The following PXDNL variants were observed in gnomAD, a reference collection of about 807,000 sequenced individuals.
PXDNL encodes the protein probable oxidoreductase PXDNL.
In PXDNL, 145 loss-of-function variants were observed where a neutral mutation model predicts 150.8. That is an observed-to-expected ratio of 0.96 (90% confidence interval 0.84 to 1.10). PXDNL has a LOEUF of 1.10. PXDNL is among the 50% of genes least tolerant of loss of function. The pLI, the probability that PXDNL is intolerant of heterozygous loss-of-function variation, is 0.00. For synonymous variants in PXDNL, 757 were observed against 725.7 expected, an observed-to-expected ratio of 1.04 and a Z score of -0.69; for missense variants, 2,087 against 1,873.9, an observed-to-expected ratio of 1.11 and a Z score of -2.10.
chr8:51,790,375 A>G (rs2129255095), intron 1 of PXDNL, among the ~76,000 whole-genome samples: 1 of 152,348 alleles, frequency 6.6e-6, no homozygotes, highest in African/African-American at 2.4e-5. Flanking sequence ...CCAAAGAATG[A>G]ACATTCAAAG....
chr8:51,533,132 GTTTA>G (rs758535160), intron 4 of PXDNL, among the ~76,000 whole-genome samples: 3 of 152,088 alleles, frequency 2.0e-5, no homozygotes, highest in Non-Finnish European at 4.4e-5. Context: ...TTCATATGCT[GTTTA>G]TTTATTTATA....
At chr8:51,592,399 TG>T (rs1422321248) in intron 3 of PXDNL, among the ~76,000 whole-genome samples, 1 of 152,210 alleles carries the variant, frequency 6.6e-6, no homozygotes, top group African/African-American at 2.4e-5. Flanking sequence ...ATTTAGAACT[TG>T]TGGCAGGAGA....
chr8:51,752,696 T>C (rs771377429), intron 1 of PXDNL, among the ~76,000 whole-genome samples: 3 of 152,184 alleles, frequency 2.0e-5, no homozygotes, highest in Non-Finnish European at 4.4e-5. Context: ...CTAATGCCCA[T>C]CTTATTTAAA....
chr8:51,342,171 T>A (rs1806005612), intron 20 of PXDNL, among the ~76,000 whole-genome samples: 1 of 151,556 alleles, frequency 6.6e-6, no homozygotes. Flanking sequence ...TAAAGTAAAA[T>A]AAAATATATA....
At chr8:51,415,133 A>G (rs1029505608) in intron 14 of PXDNL, among the ~76,000 whole-genome samples, 2 of 152,202 alleles carry the variant, frequency 1.3e-5, no homozygotes, top group Non-Finnish European at 2.9e-5. Flanking sequence ...TTTCAATCCC[A>G]TGCATATATG....
intron 12 of PXDNL, among the ~76,000 whole-genome samples, chr8:51,437,338 G>GAAGCCAGTAT (rs1192850715): frequency 2.4e-4 from 37 of 152,104 alleles, no homozygotes. Flanking sequence ...ATCATTCTAT[G>GAAGCCAGTAT]AAGCCAGTAT....
At chr8:51,414,931 G>A (rs1181855760) in intron 14 of PXDNL, among the ~76,000 whole-genome samples, 2 of 152,142 alleles carry the variant, frequency 1.3e-5, no homozygotes, top group Non-Finnish European at 2.9e-5. Flanking sequence ...GCTTATTCTA[G>A]CAAAAAATAA....
rs572725277 is a variant in PXDNL, at chr8:51,542,764, T to C, written c.380+14076A>G. Among the ~76,000 whole-genome samples the C allele has an allele frequency of 6.1e-4, 92 of 150,990 alleles. 1 individual carries two copies. Among genetic ancestry groups the C allele is most frequent in the African/African-American group, 2.1e-3 (86 of 41,132 alleles). On this transcript the variant is annotated intron_variant, in intron 4 of 22. Transcript: ENST00000356297. ...GGCAGAGGTTGCAGTAAGCCAAGATTGCACCATTGCACTCCAGCCCAGGTG... is the reference window on the plus strand; with the variant it reads ...GGCAGAGGTTGCAGTAAGCCAAGATCGCACCATTGCACTCCAGCCCAGGTG...
At chr8:51,737,214 A>T (rs1397175423) in intron 1 of PXDNL, among the ~76,000 whole-genome samples, 1 of 152,254 alleles carries the variant, frequency 6.6e-6, no homozygotes, top group African/African-American at 2.4e-5. Flanking sequence ...AATAAAAGAT[A>T]AAACTCTGTT....
intron 1 of PXDNL, among the ~76,000 whole-genome samples, chr8:51,796,398 A>C (rs1357646388): frequency 6.6e-6 from 1 of 151,250 alleles, no homozygotes; most frequent in African/African-American, 2.4e-5. Flanking sequence ...TGGTGTTTTG[A>C]AAAAAAAATT....
chr8:51,409,178 G>T lies in PXDNL; in HGVS notation c.2446C>A (p.His816Asn). 1 of 1,596,266 alleles carries T rather than the reference G, an allele frequency of 6.3e-7. No individual in the cohort carries two copies. The highest frequency in any genetic ancestry group is 1.7e-5 in the Admixed American group (1 of 58,378). ...WGWFLEHDLD[H>N]TVPALSTARF... Reference sequence around the variant, plus strand: ...GCTGTGCTCAGCGCAGGCACTGTGTGGTCCAAGTCGTGCTCTAGAAACCAG... The same window carrying T: ...GCTGTGCTCAGCGCAGGCACTGTGTTGTCCAAGTCGTGCTCTAGAAACCAG... Residue 816 changes from histidine to asparagine, a missense_variant, in exon 17 of 23, where the codon CAC becomes AAC. By Grantham distance (68) the His-to-Asn change is moderately conservative. Coordinates refer to ENST00000356297, the MANE Select transcript of PXDNL (RefSeq NM_144651.5).
At chr8:51,721,943 A>T (rs191035727) in intron 1 of PXDNL, 2 of 247,630 alleles carry the variant, frequency 8.1e-6, no homozygotes, top group Admixed American at 8.1e-5. Flanking sequence ...TAGGGTTGCT[A>T]AAGTGGATTG....
chr8:51,467,694 T>C (rs1810232823), intron 8 of PXDNL, among the ~76,000 whole-genome samples: 1 of 152,058 alleles, frequency 6.6e-6, no homozygotes, highest in South Asian at 2.1e-4. Flanking sequence ...TTGCTCAACA[T>C]CTTCTAATGG....
chr8:51,388,975 T>C (rs1408962638), intron 17 of PXDNL, among the ~76,000 whole-genome samples: 1 of 152,240 alleles, frequency 6.6e-6, no homozygotes, highest in Non-Finnish European at 1.5e-5. Flanking sequence ...TAATTTAATG[T>C]TAAATGCACA....
chr8:51,691,561 A>C (rs1002365707), intron 1 of PXDNL, among the ~76,000 whole-genome samples: 4 of 152,216 alleles, frequency 2.6e-5, no homozygotes, highest in African/African-American at 9.6e-5. Context: ...TTGACTTAAG[A>C]AAGTTAATTT....
In PXDNL at chr8:51,509,703, C is replaced by T. The variant is rs540204154; in HGVS notation, c.381-9933G>A. Among the ~76,000 whole-genome samples, 4 of 151,348 alleles carry T rather than the reference C, an allele frequency of 2.6e-5. No individual in the cohort carries two copies. The East Asian group carries it at 7.8e-4, about 30-fold the overall frequency. ...CGTCCTGGCACTTCTCAACCCCTCC[C>T]TCCCCTGGTTCTGTGTGTACATATA... On this transcript the variant is annotated intron_variant, in intron 4 of 22. Transcript: ENST00000356297.
Position 51,346,004 on chromosome 8 carries a change from A to G in PXDNL, c.3902-57T>C, listed in dbSNP as rs1167436998. ...ATGTGAGATGCGATGTCATGATCTCATCTAGATCATTTCTTTAACAGTCAG... is the reference window on the plus strand; with the variant it reads ...ATGTGAGATGCGATGTCATGATCTCGTCTAGATCATTTCTTTAACAGTCAG... On this transcript the variant is annotated intron_variant, in intron 19 of 22. Transcript: ENST00000356297. The G allele has an allele frequency of 1.6e-5, 16 of 1,030,970 alleles. No homozygotes were observed. The East Asian group carries it at 3.8e-4, about 25-fold the overall frequency. 63.9% of individuals were successfully genotyped at this position (1,030,970 alleles called of 1,614,324 possible). A position where few individuals can be genotyped will look rare whatever the true frequency, so the allele number is the denominator to read the frequency against.
intron 5 of PXDNL, among the ~76,000 whole-genome samples, chr8:51,490,397 G>A (rs1018378703): frequency 9.1e-4 from 138 of 151,878 alleles, no homozygotes; most frequent in Non-Finnish European, 7.7e-4. Flanking sequence ...CAGGAAAAAC[G>A]TTGAATATCT....
chr8:51,565,768 A>G (rs561968826), intron 3 of PXDNL, among the ~76,000 whole-genome samples: 1 of 152,012 alleles, frequency 6.6e-6, no homozygotes, highest in South Asian at 2.1e-4. Context: ...TGTGAAACAT[A>G]AATGAATTTC....
Sources: allele counts gnomAD v4.1 joint callset (sites outside exome capture counted in the v4.1 genomes callset), GRCh38; gene constraint gnomAD v4.1.1; transcripts MANE v1.5; gene names NCBI Gene and HGNC (gene_info 2026-07-23, HGNC 2026-07-21).